Variants in ZNF462 observed in about 807,000 individuals in gnomAD.
ZNF462 encodes the protein zinc finger protein 462, also known as zinc finger PBX1-interacting protein.
Under a neutral mutation model 201.9 loss-of-function variants are expected in ZNF462, and 10 were observed. The observed-to-expected ratio is 0.05, with a 90% CI of 0.03 to 0.08. The LOEUF is 0.08. Among genes scored for constraint, ZNF462 ranks in the 10% least tolerant of loss-of-function variants. ZNF462 has a pLI of 1.00. For synonymous variants in ZNF462, 1,227 were observed against 1,193.3 expected, an observed-to-expected ratio of 1.03 and a Z score of -0.58; for missense variants, 2,523 against 3,168.3, an observed-to-expected ratio of 0.80 and a Z score of 4.89.
intron 7 of ZNF462, among the ~76,000 whole-genome samples, chr9:106,952,560 G>A (rs561551711): frequency 8.5e-5 from 13 of 152,248 alleles, no homozygotes; most frequent in African/African-American, 2.9e-4. Flanking sequence ...GAGCCTTGTT[G>A]ATATAAATTT....
chr9:106,908,340 G>A (rs1829361574), intron 1 of ZNF462, among the ~76,000 whole-genome samples: 1 of 151,966 alleles, frequency 6.6e-6, no homozygotes, highest in Non-Finnish European at 1.5e-5. Context: ...TTTATTTGGT[G>A]CTGCTAGAGA....
At chr9:106,971,096 T>C (rs1413628020) in intron 7 of ZNF462, among the ~76,000 whole-genome samples, 3 of 152,204 alleles carry the variant, frequency 2.0e-5, no homozygotes, top group African/African-American at 7.2e-5. Flanking sequence ...CGCTATTGGA[T>C]TTTTATATTT....
At chr9:106,949,493 T>C (rs556436822) in intron 7 of ZNF462, among the ~76,000 whole-genome samples, 2 of 152,314 alleles carry the variant, frequency 1.3e-5, no homozygotes, top group East Asian at 3.9e-4. Context: ...TCCCTTGTCC[T>C]TGAGTTAACT....
In ZNF462 at chr9:107,009,728, G is replaced by A; in HGVS notation, c.7313+60G>A. On this transcript the variant is annotated intron_variant, in intron 12 of 12. Transcript: ENST00000277225. This position sits in a 1 kb window ranked among gnomAD's most constrained non-coding sequence, Gnocchi z 6.1. ...AAGCAAGAGGTAGGGAGGGAGGGAG[G>A]GGCTCTTGTTTTGGTTCCCCTGACA... 1.3e-6 allele frequency: 2 copies of A among 1,566,278 alleles called. No homozygotes were observed. The highest frequency in any genetic ancestry group is 8.7e-7 in the Non-Finnish European group (1 of 1,144,308).
rs1338342160 is a variant in ZNF462 at position 106,935,319 on chromosome 9, C to A, written c.6117-184C>A. On this transcript the variant is annotated intron_variant, in intron 5 of 12. Transcript: ENST00000277225. The surrounding 1 kb of genome is among the most constrained non-coding windows in gnomAD (Gnocchi z 4.1). The stretch of plus-strand genomic sequence containing the variant: ...TTGATCTCTTCCTTTAGCTTCCTGT[C>A]CTCTTAGAGTAGGTACAACTCTTGA... Among the ~76,000 whole-genome samples the A allele has an allele frequency of 6.6e-6, 1 of 152,054 alleles. No individual in the cohort carries two copies. The highest frequency in any genetic ancestry group is 1.9e-4 in the East Asian group (1 of 5,198).
At position 106,928,231 on chromosome 9, in the gene ZNF462, A is replaced by G; in HGVS notation, c.4319A>G (p.Gln1440Arg). Residue 1440 changes from glutamine (Q) to arginine (R), a missense_variant, in exon 3 of 13, where the codon CAG (glutamine) becomes CGG (arginine). By Grantham distance (43) the Gln-to-Arg change is conservative. Around this residue, in one of 15 missense-constraint regions of ZNF462, gnomAD observed 165 missense variants for 142.6 expected, o/e 1.16. Transcript: ENST00000277225. This position sits in a 1 kb window ranked among gnomAD's most constrained non-coding sequence, Gnocchi z 9.3. Reference sequence around the variant, plus strand: ...AGTATACCCACCCCTTTCCCGGAGCAGGAAGCTGAATGTCCAGAGGATGCA... The same window carrying G: ...AGTATACCCACCCCTTTCCCGGAGCGGGAAGCTGAATGTCCAGAGGATGCA... Reference protein sequence around the residue: ...ENSIPTPFPEQEAECPEDARL... With the variant: ...ENSIPTPFPEREAECPEDARL... 3.1e-6 allele frequency: 5 copies of G among 1,614,142 alleles called. No individual in the cohort carries two copies. Among genetic ancestry groups the G allele is most frequent in the Non-Finnish European group, 4.2e-6 (5 of 1,180,020 alleles).
chr9:106,867,178 A>T (rs995522902), intron 1 of ZNF462, among the ~76,000 whole-genome samples: 11 of 152,226 alleles, frequency 7.2e-5, no homozygotes, highest in Non-Finnish European at 1.5e-4. Context: ...CATGGCAAAC[A>T]CCATAATATT....
intron 9 of ZNF462, chr9:106,979,004 C>A (rs1482370161): frequency 1.3e-5 from 3 of 224,618 alleles, no homozygotes; most frequent in Non-Finnish European, 2.6e-5. Context: ...GGACTAGACA[C>A]CCCAATTTGG....
chr9:107,003,000 C>G lies in ZNF462; in HGVS notation c.7057-294C>G, dbSNP rs1323460355. Among the ~76,000 whole-genome samples the G allele has an allele frequency of 1.3e-5, 2 of 152,176 alleles. 1 individual carries two copies. Reference sequence around the variant, plus strand: ...TTGGATATTTACTCTATACTCTAGCCTTCATTTTACTTTTGGTCTCCTGCG... The same window carrying G: ...TTGGATATTTACTCTATACTCTAGCGTTCATTTTACTTTTGGTCTCCTGCG... On this transcript the variant is annotated intron_variant, in intron 10 of 12. Coordinates refer to ENST00000277225, the MANE Select transcript of ZNF462 (RefSeq NM_021224.6).
At chr9:106,882,628 G>C (rs980581649) in intron 1 of ZNF462, among the ~76,000 whole-genome samples, 3 of 152,164 alleles carry the variant, frequency 2.0e-5, no homozygotes, top group Non-Finnish European at 4.4e-5. Context: ...CATTTGACTA[G>C]TATGATCCTG....
chr9:106,995,736 C>CAAAATCATTTAGAAAGTGCCTT (rs1352686064), intron 10 of ZNF462: 2 of 152,120 alleles, frequency 1.3e-5, no homozygotes, highest in Non-Finnish European at 2.9e-5. Flanking sequence ...AGTATTGAAA[C>CAAAATCATTTAGAAAGTGCCTT]AAAATCATTT....
At position 106,972,745 on chromosome 9, in the gene ZNF462, C is replaced by T. The variant is rs943668523; in HGVS notation, c.6695+473C>T. Among the ~76,000 whole-genome samples the T allele has an allele frequency of 1.3e-5, 2 of 152,164 alleles. No individual in the cohort carries two copies. The highest frequency in any genetic ancestry group is 4.8e-5 in the African/African-American group (2 of 41,436). ...TTGAAAGACACATAGAGAATCAAGA[C>T]CCTGGCACTTCCAACACTACACTTG... is the stretch of plus-strand genomic sequence containing the variant. On this transcript the variant is annotated intron_variant, in intron 8 of 12. Transcript: ENST00000277225. The surrounding 1 kb of genome is among the most constrained non-coding windows in gnomAD (Gnocchi z 4.8).
chr9:106,914,591 G>A lies in ZNF462; in HGVS notation c.-30-8763G>A, dbSNP rs545779255. ...TTCAGAAGCTCTAGTTCATTCATTTGTTCCTTCCTTCATTCAGCGTATATT... is the reference window on the plus strand; with the variant it reads ...TTCAGAAGCTCTAGTTCATTCATTTATTCCTTCCTTCATTCAGCGTATATT... On this transcript the variant is annotated intron_variant, in intron 1 of 12. Transcript: ENST00000277225. Among the ~76,000 whole-genome samples, 5 of 152,316 alleles carry A rather than the reference G, an allele frequency of 3.3e-5. No individual in the cohort carries two copies. The South Asian group carries it at 1.0e-3, about 32-fold the overall frequency.
intron 10 of ZNF462, among the ~76,000 whole-genome samples, chr9:106,997,565 T>C (rs1252737817): frequency 6.6e-6 from 1 of 152,210 alleles, no homozygotes; most frequent in Non-Finnish European, 1.5e-5. Flanking sequence ...TTGAAGCTTT[T>C]ACAAGAACTC....
intron 11 of ZNF462, among the ~76,000 whole-genome samples, chr9:107,007,455 T>C (rs1588208285): frequency 6.6e-6 from 1 of 152,194 alleles, no homozygotes; most frequent in African/African-American, 2.4e-5. Context: ...TCGTGAGCTT[T>C]ACCACATGGG....
intron 7 of ZNF462, among the ~76,000 whole-genome samples, chr9:106,942,461 A>G (rs1457469934): frequency 6.6e-6 from 1 of 151,714 alleles, no homozygotes; most frequent in Non-Finnish European, 1.5e-5. Context: ...CTATATATTC[A>G]TGATGATCAG....
chr9:106,907,420 T>C (rs978316190), intron 1 of ZNF462, among the ~76,000 whole-genome samples: 7 of 149,816 alleles, frequency 4.7e-5, no homozygotes, highest in African/African-American at 1.8e-4. Flanking sequence ...TGCTAGTCTT[T>C]CATTGATATT....
rs1295471488 is a variant in ZNF462 at position 106,870,267 on chromosome 9, A to C, written c.-31+6912A>C. Among the ~76,000 whole-genome samples, 1 of 152,064 alleles carries C rather than the reference A, an allele frequency of 6.6e-6. No individual in the cohort carries two copies. The highest frequency in any genetic ancestry group is 1.5e-5 in the Non-Finnish European group (1 of 68,016). ...GCATTCTTGCCTAATTCCTAGCTGG[A>C]GACATTTTTTCTTGAGTTATTCTTG... On this transcript the variant is annotated intron_variant, in intron 1 of 12. Coordinates refer to ENST00000277225, the MANE Select transcript of ZNF462 (RefSeq NM_021224.6). The surrounding 1 kb of genome is among the most constrained non-coding windows in gnomAD (Gnocchi z 4.3).
At chr9:106,991,805 G>A (rs533573626) in intron 10 of ZNF462, among the ~76,000 whole-genome samples, 4 of 146,644 alleles carry the variant, frequency 2.7e-5, no homozygotes, top group East Asian at 4.2e-4. Context: ...ATTTGTGTAT[G>A]CAGATTATGA....
Sources: allele counts gnomAD v4.1 joint callset (sites outside exome capture counted in the v4.1 genomes callset), GRCh38; gene constraint gnomAD v4.1.1; regional missense constraint gnomAD v4.1.1; non-coding constraint Gnocchi (gnomAD v3.1); transcripts MANE v1.5; gene names NCBI Gene and HGNC (gene_info 2026-07-23, HGNC 2026-07-21).